The following CDH26 variants were observed in gnomAD, a reference collection of about 807,000 sequenced individuals.
CDH26 encodes the protein cadherin-like protein 26.
CDH26 carries 83 observed loss-of-function variants against 90.3 expected under a neutral mutation model. The ratio of observed to expected loss-of-function variants is 0.92; its 90% CI spans 0.77 to 1.10. CDH26 has a LOEUF of 1.10. Among genes scored for constraint, CDH26 ranks in the 50% least tolerant of loss-of-function variants. The probability of loss-of-function intolerance (pLI) is 0.00; values close to 1 mark genes in which losing one functional copy is unlikely to be tolerated. For synonymous variants in CDH26, 397 were observed against 396.3 expected, an observed-to-expected ratio of 1.00 and a Z score of -0.02; for missense variants, 1,013 against 1,037.6, an observed-to-expected ratio of 0.98 and a Z score of 0.33.
At chr20:60,018,815 A>G (rs11698009), downstream of CDH26, among the ~76,000 whole-genome samples, 43,266 of 136,630 alleles carry the variant, frequency 0.32, 6,479 homozygotes, top group East Asian at 0.5. Flanking sequence ...AGTGAGTTTT[A>G]TAGTTTTGCA....
At chr20:59,960,056 G>A (rs960479233) in intron 1 of CDH26, among the ~76,000 whole-genome samples, 1 of 152,174 alleles carries the variant, frequency 6.6e-6, no homozygotes, top group African/African-American at 2.4e-5. Flanking sequence ...GGGCTGCTTG[G>A]CGTCCTGACC....
rs147605888 is a variant in CDH26, at chr20:60,021,808, G to A, written c.948-9423G>A. Among the ~76,000 whole-genome samples the A allele has an allele frequency of 6.5e-3, 909 of 138,934 alleles. 9 individuals carry two copies. The highest frequency in any genetic ancestry group is 0.023 in the African/African-American group (865 of 37,292). The allele number at this position is 138,934 out of a possible 152,430, so 91.1% of individuals were successfully genotyped here. The stretch of plus-strand genomic sequence containing the variant: ...TTAGACATTTATGAATTTTTAGTTT[G>A]CTGTCTTCTTTGTGTATTTTGAAGC... On this transcript the variant is annotated intron_variant, in intron 7 of 8. Transcript: ENST00000370991.
chr20:59,966,450 C>T (rs1050064655), intron 1 of CDH26, among the ~76,000 whole-genome samples: 1 of 152,090 alleles, frequency 6.6e-6, no homozygotes, highest in African/African-American at 2.4e-5. Context: ...AGTTCTCAAG[C>T]GATTACAGTA....
At chr20:60,027,235 AAAG>A (rs145840809) in intron 7 of CDH26, among the ~76,000 whole-genome samples, 116 of 152,206 alleles carry the variant, frequency 7.6e-4, no homozygotes, top group African/African-American at 2.6e-3. Context: ...CTCAGGTGAA[AAAG>A]AAGGACAGTG....
At position 59,992,177 on chromosome 20, in the gene CDH26, G is replaced by T. The variant is rs2061535297; in HGVS notation, c.1284-201G>T. On this transcript the variant is annotated intron_variant, in intron 9 of 17. Coordinates refer to ENST00000348616, the MANE Select transcript of CDH26 (RefSeq NM_177980.4). The surrounding 1 kb of genome is among the most constrained non-coding windows in gnomAD (Gnocchi z 5.0). ...GAATGTCAATTCCACAGACCTAGGAGAGTCTTTAGGCTGTCCTCCCTGTGC... is the reference window on the plus strand; with the variant it reads ...GAATGTCAATTCCACAGACCTAGGATAGTCTTTAGGCTGTCCTCCCTGTGC... Among the ~76,000 whole-genome samples, 1 of 152,160 alleles carries T rather than the reference G, an allele frequency of 6.6e-6. No individual in the cohort carries two copies. The highest frequency in any genetic ancestry group is 1.5e-5 in the Non-Finnish European group (1 of 68,042).
At chr20:59,967,706 A>G (rs2061167347) in intron 1 of CDH26, among the ~76,000 whole-genome samples, 1 of 150,130 alleles carries the variant, frequency 6.7e-6, no homozygotes, top group Non-Finnish European at 1.5e-5. Flanking sequence ...CATACATTGC[A>G]GGACCATTCT....
chr20:60,020,102 C>G (rs1451682504), intron 7 of CDH26, among the ~76,000 whole-genome samples: 2 of 152,044 alleles, frequency 1.3e-5, no homozygotes, highest in African/African-American at 4.8e-5. Flanking sequence ...AGTGGGTGAG[C>G]CAACTTGTGG....
chr20:59,990,871 T>C (rs1376172964), intron 9 of CDH26, among the ~76,000 whole-genome samples: 4 of 151,576 alleles, frequency 2.6e-5, no homozygotes, highest in African/African-American at 7.3e-5. Context: ...CTTTTCTTTT[T>C]TTTTTTTCTT....
chr20:59,966,986 TA>T (rs1218977600), intron 1 of CDH26, among the ~76,000 whole-genome samples: 57 of 140,678 alleles, frequency 4.1e-4, no homozygotes, highest in East Asian at 6.6e-4. Flanking sequence ...CAATGATAAG[TA>T]AAAAAAAAAA....
At chr20:59,985,977 T>C (rs1274294599) in intron 7 of CDH26, 1 of 152,224 alleles carries the variant, frequency 6.6e-6, no homozygotes, top group Non-Finnish European at 1.5e-5. Flanking sequence ...TTATTTGGAG[T>C]GGGGGCTACT....
At chr20:59,988,695 G>T (rs906461372) in intron 8 of CDH26, among the ~76,000 whole-genome samples, 1 of 152,086 alleles carries the variant, frequency 6.6e-6, no homozygotes, top group Non-Finnish European at 1.5e-5. Context: ...ACCAGCAGAG[G>T]AGGAGGGAAA....
intron 17 of CDH26, 140 bp from the exon 18 acceptor site, chr20:60,012,387 G>A (rs1013427503): frequency 4.4e-5 from 31 of 707,790 alleles, no homozygotes; most frequent in South Asian, 7.8e-5. Context: ...GGAACTGTAC[G>A]AACTCCTGTG....
chr20:60,026,988 G>T (rs1240713970), intron 7 of CDH26, among the ~76,000 whole-genome samples: 1 of 152,202 alleles, frequency 6.6e-6, no homozygotes, highest in Non-Finnish European at 1.5e-5. Context: ...TTGGTATGCG[G>T]CTCCTGCAAG....
At chr20:59,975,427 C>T (rs545043224) in intron 4 of CDH26, among the ~76,000 whole-genome samples, 1 of 152,218 alleles carries the variant, frequency 6.6e-6, no homozygotes, top group East Asian at 1.9e-4. Flanking sequence ...CCAGAAGAAC[C>T]AACCCTGCTG....
intron 17 of CDH26, among the ~76,000 whole-genome samples, chr20:60,008,817 C>A (rs8123550): frequency 1.3e-5 from 2 of 152,190 alleles, no homozygotes; most frequent in African/African-American, 4.8e-5. Flanking sequence ...ACTCCTTAGC[C>A]CTGCAGAATG....
At chr20:59,996,465 T>C in intron 12 of CDH26, 166 bp from the exon 13 acceptor site, 1 of 1,606,822 alleles carries the variant, frequency 6.2e-7, no homozygotes, top group Non-Finnish European at 8.5e-7. Flanking sequence ...TAGCATCTAC[T>C]GGTACCCTGG....
At chr20:59,959,280 T>C (rs1601066402) in intron 1 of CDH26, among the ~76,000 whole-genome samples, 1 of 152,118 alleles carries the variant, frequency 6.6e-6, no homozygotes, top group Non-Finnish European at 1.5e-5. Context: ...CTGTATTTTT[T>C]ATAGAGATGG....
At chr20:59,985,578 C>A (rs954921589) in intron 7 of CDH26, among the ~76,000 whole-genome samples, 1 of 152,136 alleles carries the variant, frequency 6.6e-6, no homozygotes, top group Admixed American at 6.5e-5. Flanking sequence ...CCCCACGATC[C>A]AAACACTTCC....
chr20:59,960,007 G>A (rs1027829700), intron 1 of CDH26, among the ~76,000 whole-genome samples: 1 of 152,208 alleles, frequency 6.6e-6, no homozygotes. Context: ...GCTGAGGGTG[G>A]GAAGCAGCCC....
Sources: allele counts gnomAD v4.1 joint callset (sites outside exome capture counted in the v4.1 genomes callset), GRCh38; gene constraint gnomAD v4.1.1; non-coding constraint Gnocchi (gnomAD v3.1); transcripts MANE v1.5; gene names NCBI Gene and HGNC (gene_info 2026-07-23, HGNC 2026-07-21).